Variants in COL22A1 observed in about 807,000 individuals in gnomAD.
COL22A1 encodes collagen type XXII alpha 1 chain.
COL22A1 carries 221 observed loss-of-function variants against 248.9 expected under a neutral mutation model. That is an observed-to-expected ratio of 0.89 (90% CI 0.80 to 0.99). The LOEUF (loss-of-function observed/expected upper bound fraction) is 0.99, where lower values mean the gene tolerates loss of function less well. COL22A1 is among the 50% of genes least tolerant of loss of function. COL22A1 has a pLI of 0.00. For synonymous variants in COL22A1, 891 were observed against 793.4 expected (o/e 1.12, Z -2.07); for missense variants, 2,240 against 2,179.0 (o/e 1.03, Z -0.56).
At chr8:138,637,474 A>C (rs1310853802) in intron 47 of COL22A1, among the ~76,000 whole-genome samples, 3 of 152,220 alleles carry the variant, frequency 2.0e-5, no homozygotes, top group Non-Finnish European at 4.4e-5. Context: ...ACCTACAAGA[A>C]CAAGAAAACA....
At chr8:138,758,121 G>A (rs1359504569) in intron 18 of COL22A1, among the ~76,000 whole-genome samples, 1 of 152,174 alleles carries the variant, frequency 6.6e-6, no homozygotes, top group Non-Finnish European at 1.5e-5. Flanking sequence ...CAGTACCATG[G>A]AGAAGCCCAT....
chr8:138,755,254 C>A, intron 20 of COL22A1, 44 bp from the exon 21 acceptor site: 1 of 1,594,450 alleles, frequency 6.3e-7, no homozygotes, highest in Non-Finnish European at 8.6e-7. Flanking sequence ...GACTTTTCCC[C>A]CATATGATCA....
At chr8:138,645,447 T>C (rs1320240374) in intron 47 of COL22A1, among the ~76,000 whole-genome samples, 2 of 152,228 alleles carry the variant, frequency 1.3e-5, no homozygotes, top group Non-Finnish European at 2.9e-5. Flanking sequence ...TCTTTTGCAA[T>C]AAATTACTCG....
intron 32 of COL22A1, among the ~76,000 whole-genome samples, chr8:138,696,675 G>A (rs1027442600): frequency 1.3e-5 from 2 of 152,192 alleles, no homozygotes; most frequent in African/African-American, 2.4e-5. Context: ...GCATGGAACC[G>A]ACATGGTCTA....
At chr8:138,706,260 T>G (rs563750786) in intron 30 of COL22A1, among the ~76,000 whole-genome samples, 1 of 152,290 alleles carries the variant, frequency 6.6e-6, no homozygotes, top group Non-Finnish European at 1.5e-5. Context: ...TATCTAGTAC[T>G]TGAACTCAGC....
chr8:138,689,020 C>T, intron 36 of COL22A1, 50 bp from the exon 37 acceptor site: 1 of 1,479,396 alleles, frequency 6.8e-7, no homozygotes, highest in South Asian at 1.1e-5. Context: ...TGACTGGTCA[C>T]TCTTGGTGGC....
chr8:138,813,638 AGC>A (rs1818433654), intron 7 of COL22A1, among the ~76,000 whole-genome samples: 1 of 59,700 alleles, frequency 1.7e-5, no homozygotes, highest in South Asian at 5.4e-4. Flanking sequence ...GTTAAAGTCC[AGC>A]GTTTCGTTCT....
chr8:138,681,561 G>A (rs367713146), intron 39 of COL22A1, among the ~76,000 whole-genome samples: 1 of 152,134 alleles, frequency 6.6e-6, no homozygotes, highest in Non-Finnish European at 1.5e-5. Flanking sequence ...ATGCCCTCTA[G>A]GCCCTGAGGG....
At chr8:138,670,501 C>G (rs1167176323) in intron 41 of COL22A1, among the ~76,000 whole-genome samples, 1 of 152,146 alleles carries the variant, frequency 6.6e-6, no homozygotes, top group East Asian at 1.9e-4. Flanking sequence ...GTACTCACAC[C>G]TAACAGAATC....
At chr8:138,665,898 T>TAGAG (rs1824463949) in intron 41 of COL22A1, among the ~76,000 whole-genome samples, 1 of 152,198 alleles carries the variant, frequency 6.6e-6, no homozygotes. Context: ...AATAGAAATG[T>TAGAG]AGAGTCATTA....
intron 50 of COL22A1, among the ~76,000 whole-genome samples, chr8:138,627,461 C>A (rs1319276467): frequency 6.6e-6 from 1 of 152,094 alleles, no homozygotes; most frequent in Non-Finnish European, 1.5e-5. Flanking sequence ...TATATTAGAC[C>A]ATTCTCTTTA....
chr8:138,691,935 TGTGTACGTGTGTGC>T (rs1826998109), intron 35 of COL22A1, among the ~76,000 whole-genome samples: 15 of 142,320 alleles, frequency 1.1e-4, no homozygotes, highest in Admixed American at 2.1e-4. Flanking sequence ...TGTGGAGGTG[TGTGTACGTGTGTGC>T]ATGTTTGTGG....
At chr8:138,786,051 A>G (rs1307435234) in intron 12 of COL22A1, among the ~76,000 whole-genome samples, 2 of 152,294 alleles carry the variant, frequency 1.3e-5, no homozygotes, top group African/African-American at 2.4e-5. Flanking sequence ...CCTCCCCATC[A>G]CTAAGTACTG....
intron 52 of COL22A1, among the ~76,000 whole-genome samples, chr8:138,623,114 A>T (rs548482034): frequency 3.7e-4 from 56 of 152,120 alleles, no homozygotes; most frequent in African/African-American, 1.4e-3. Context: ...GGGACCACCA[A>T]GACATTCTCA....
At chr8:138,805,981 ATTG>A (rs1817582332) in intron 10 of COL22A1, among the ~76,000 whole-genome samples, 2 of 33,776 alleles carry the variant, frequency 5.9e-5, no homozygotes, top group Admixed American at 3.6e-4. Flanking sequence ...AGTGTGTGTG[ATTG>A]TGTGTGATGG....
chr8:138,737,646 G>T, intron 22 of COL22A1, 69 bp from the exon 23 acceptor site: 1 of 1,025,190 alleles, frequency 9.8e-7, no homozygotes, highest in Non-Finnish European at 1.5e-6. Context: ...TTAATAATGA[G>T]TCTCGGTGGA....
intron 3 of COL22A1, among the ~76,000 whole-genome samples, chr8:138,850,531 T>C (rs2131898665): frequency 1.3e-5 from 2 of 152,302 alleles, no homozygotes; most frequent in Middle Eastern, 3.4e-3. Flanking sequence ...AGCTGGGCCC[T>C]TCCTGATGGG....
chr8:138,650,993 A>G (rs368409863), intron 45 of COL22A1, among the ~76,000 whole-genome samples: 6 of 152,200 alleles, frequency 3.9e-5, no homozygotes, highest in African/African-American at 1.4e-4. Context: ...CGGAAGCTGC[A>G]CTGTTCATAG....
chr8:138,770,005 G>A (rs755920181), intron 16 of COL22A1, among the ~76,000 whole-genome samples: 14 of 152,142 alleles, frequency 9.2e-5, no homozygotes, highest in Non-Finnish European at 1.6e-4. Flanking sequence ...CACTAACTGG[G>A]AGAGGCATCA....
Sources: gnomAD v4.1 joint callset for allele counts (sites outside exome capture counted in the v4.1 genomes callset) on GRCh38, gnomAD v4.1.1 for gene constraint, MANE v1.5 for transcripts, NCBI Gene and HGNC (gene_info 2026-07-23, HGNC 2026-07-21) for gene names.